Variants in EPS15 observed in about 807,000 individuals in gnomAD.
EPS15 encodes the protein epidermal growth factor receptor pathway substrate 15.
A neutral mutation model predicts 113.8 loss-of-function variants in EPS15; 72 were observed. The ratio of observed to expected loss-of-function variants is 0.63; its 90% CI spans 0.52 to 0.77. The LOEUF is 0.77. Ranked by LOEUF, EPS15 falls within the 30% of genes least tolerant of loss-of-function variation. EPS15 has a pLI of 0.00. For missense variants in EPS15, 1,048 were observed against 1,045.8 expected, an observed-to-expected ratio of 1.00 and a Z score of -0.03; for synonymous variants, 344 against 363.4, an observed-to-expected ratio of 0.95 and a Z score of 0.61.
chr1:51,389,041 T>C (rs1233484886), intron 21 of EPS15, among the ~76,000 whole-genome samples: 2 of 152,192 alleles, frequency 1.3e-5, no homozygotes, highest in East Asian at 1.9e-4. Flanking sequence ...ACCAATATCC[T>C]TGATGAACAT....
chr1:51,454,517 C>T (rs1043224743), intron 8 of EPS15, among the ~76,000 whole-genome samples: 4 of 152,176 alleles, frequency 2.6e-5, no homozygotes, highest in East Asian at 1.9e-4. Context: ...AAAAGCATTA[C>T]GCCTCCGTGT....
chr1:51,388,991 C>T (rs1289410088), intron 21 of EPS15, among the ~76,000 whole-genome samples: 1 of 152,166 alleles, frequency 6.6e-6, no homozygotes, highest in Non-Finnish European at 1.5e-5. Flanking sequence ...ATCCTGATAC[C>T]AAAGCCAGGC....
At chr1:51,418,115 T>C (rs1357431979) in intron 13 of EPS15, among the ~76,000 whole-genome samples, 4 of 152,146 alleles carry the variant, frequency 2.6e-5, no homozygotes, top group Non-Finnish European at 4.4e-5. Context: ...TTCAATAAGA[T>C]TCATTTTAGA....
intron 1 of EPS15, among the ~76,000 whole-genome samples, chr1:51,515,028 GAT>G (rs1387106676): frequency 2.6e-5 from 4 of 152,168 alleles, no homozygotes; most frequent in Non-Finnish European, 4.4e-5. Context: ...CTACTAAGAT[GAT>G]ATGTTTATTA....
At chr1:51,397,892 G>T (rs1202047934) in intron 20 of EPS15, among the ~76,000 whole-genome samples, 11 of 152,066 alleles carry the variant, frequency 7.2e-5, no homozygotes, top group East Asian at 1.9e-4. Context: ...TGAAACTGTG[G>T]TCTCAAAAAC....
At chr1:51,495,353 A>AT (rs928610749) in intron 1 of EPS15, among the ~76,000 whole-genome samples, 6,081 of 146,466 alleles carry the variant, frequency 0.042, 164 homozygotes, top group Non-Finnish European at 0.052. Context: ...TTTTATTTTT[A>AT]TTTTTTTTTT....
intron 2 of EPS15, among the ~76,000 whole-genome samples, chr1:51,477,623 G>C (rs1290799894): frequency 6.6e-6 from 1 of 151,978 alleles, no homozygotes; most frequent in Admixed American, 6.6e-5. Flanking sequence ...ACACTGCTTT[G>C]AATGTGTCCC....
rs200511646 is a variant in EPS15 at position 51,409,746 on chromosome 1, G to A, written c.1114-50C>T. 1,043 of 1,276,014 alleles carry A rather than the reference G, an allele frequency of 8.2e-4. 1 individual carries two copies. Among genetic ancestry groups the A allele is most frequent in the Non-Finnish European group, 1.0e-3 (912 of 896,152 alleles). The allele number at this position is 1,276,014 out of a possible 1,614,324, so 79.0% of individuals were successfully genotyped here. Reference sequence around the variant, plus strand: ...TTTATTTTCTTTGCGGGCAGGGGAGGGTTAAGTTAGTAATTTTAAATCTAC... The same window carrying A: ...TTTATTTTCTTTGCGGGCAGGGGAGAGTTAAGTTAGTAATTTTAAATCTAC... On this transcript the variant is annotated intron_variant, in intron 13 of 24. Transcript: ENST00000371733.
At chr1:51,407,993 CA>C in intron 15 of EPS15, 141 bp downstream of exon 15, 6 of 696,472 alleles carry the variant, frequency 8.6e-6, no homozygotes, top group Non-Finnish European at 1.0e-5. Context: ...TAACAGGTGA[CA>C]AAAAAACCTA....
At chr1:51,373,484 A>G (rs1210604920) in intron 21 of EPS15, among the ~76,000 whole-genome samples, 2 of 152,224 alleles carry the variant, frequency 1.3e-5, no homozygotes, top group African/African-American at 4.8e-5. Context: ...TCATTCTTCT[A>G]TTTATAAAAC....
At chr1:51,480,019 A>G (rs1009735326) in intron 2 of EPS15, among the ~76,000 whole-genome samples, 2 of 152,254 alleles carry the variant, frequency 1.3e-5, no homozygotes, top group African/African-American at 2.4e-5. Flanking sequence ...TTTGGAGCAC[A>G]GCCTTAAGAT....
intron 2 of EPS15, among the ~76,000 whole-genome samples, chr1:51,477,363 G>A (rs1200166093): frequency 6.6e-6 from 1 of 151,854 alleles, no homozygotes; most frequent in African/African-American, 2.4e-5. Context: ...TATTAGTTTT[G>A]CTAGTGGTCT....
intron 1 of EPS15, among the ~76,000 whole-genome samples, chr1:51,518,124 G>A (rs1156689826): frequency 1.3e-5 from 2 of 152,174 alleles, no homozygotes; most frequent in South Asian, 2.1e-4. Flanking sequence ...GAGGAGACGC[G>A]GGGGAGAGTT....
intron 15 of EPS15, among the ~76,000 whole-genome samples, chr1:51,406,807 C>G (rs1649175399): frequency 6.6e-6 from 1 of 152,158 alleles, no homozygotes; most frequent in Admixed American, 6.5e-5. Flanking sequence ...CAGACCAAAA[C>G]CATGACTCTG....
intron 1 of EPS15, among the ~76,000 whole-genome samples, chr1:51,486,440 A>C (rs1428158462): frequency 6.6e-6 from 1 of 151,706 alleles, no homozygotes; most frequent in Non-Finnish European, 1.5e-5. Context: ...AAAAAAAAAA[A>C]AAAAAAATTA....
intron 12 of EPS15, among the ~76,000 whole-genome samples, chr1:51,426,837 C>CTATATA (rs1553124706): frequency 3.5e-5 from 5 of 143,566 alleles, no homozygotes; most frequent in South Asian, 2.2e-4. Flanking sequence ...CTCTCTCTCT[C>CTATATA]TATATATATA....
intron 3 of EPS15, 105 bp from the exon 4 acceptor site, chr1:51,471,842 G>T (rs1418596720): frequency 4.8e-6 from 4 of 841,866 alleles, no homozygotes; most frequent in Non-Finnish European, 5.9e-6. Flanking sequence ...CTGGTAATCA[G>T]ATCTAAGAAT....
intron 1 of EPS15, among the ~76,000 whole-genome samples, chr1:51,490,647 A>G (rs969429486): frequency 3.9e-5 from 6 of 152,046 alleles, no homozygotes; most frequent in African/African-American, 1.4e-4. Context: ...TTTCTCAGTT[A>G]ATCACAAGGT....
chr1:51,513,810 T>C (rs1438475907), intron 1 of EPS15, among the ~76,000 whole-genome samples: 1 of 152,216 alleles, frequency 6.6e-6, no homozygotes, highest in African/African-American at 2.4e-5. Flanking sequence ...AATCAATTAA[T>C]ATAATTATTA....
Sources: gnomAD v4.1 joint callset for allele counts (sites outside exome capture counted in the v4.1 genomes callset) on GRCh38, gnomAD v4.1.1 for gene constraint, MANE v1.5 for transcripts, NCBI Gene and HGNC (gene_info 2026-07-23, HGNC 2026-07-21) for gene names.